Variants in RASEF observed in about 807,000 individuals in gnomAD.
RASEF encodes ras and EF-hand domain-containing protein.
In RASEF, 68 loss-of-function variants were observed where a neutral mutation model predicts 90.1. That is an observed-to-expected ratio of 0.75 (90% CI 0.62 to 0.92). The LOEUF is 0.92. RASEF is among the 40% of genes least tolerant of loss of function. RASEF has a pLI of 0.00. For missense variants in RASEF, 949 were observed against 937.2 expected, an observed-to-expected ratio of 1.01 and a Z score of -0.16; for synonymous variants, 331 against 345.2, an observed-to-expected ratio of 0.96 and a Z score of 0.46.
At position 82,979,724 on chromosome 9, in the gene RASEF, A is replaced by C. The variant is rs1828563914; in HGVS notation, c.*2953T>G. 1 of 152,196 alleles carries C rather than the reference A, an allele frequency of 6.6e-6. No homozygotes were observed. The highest frequency in any genetic ancestry group is 1.5e-5 in the Non-Finnish European group (1 of 68,036). The allele number at this position is 152,196 out of a possible 1,614,324, so 9.4% of individuals were successfully genotyped here. ...GAAGAGAAATAAACAGTATAAACGAAATATGGCCCACACAATGAAAATGTA... is the reference window on the plus strand; with the variant it reads ...GAAGAGAAATAAACAGTATAAACGACATATGGCCCACACAATGAAAATGTA... On this transcript the variant is annotated 3_prime_UTR_variant, in exon 17 of 17. Coordinates refer to ENST00000376447, the MANE Select transcript of RASEF (RefSeq NM_152573.4).
At chr9:83,107,719 C>G in the RASEF span, among the ~76,000 whole-genome samples, 1 of 152,094 alleles carries the variant, frequency 6.6e-6, no homozygotes. Context: ...TATTTAAACT[C>G]ACATGTTTAA....
intron 3 of RASEF, 71 bp downstream of exon 3, chr9:83,022,265 G>C (rs1435436052): frequency 8.9e-7 from 1 of 1,128,552 alleles, no homozygotes; most frequent in South Asian, 1.2e-5. Context: ...ACCCAGAAGA[G>C]TGCCTGGGCC....
the RASEF span, among the ~76,000 whole-genome samples, chr9:83,163,399 A>T: frequency 4.6e-5 from 7 of 152,206 alleles, no homozygotes; most frequent in Admixed American, 4.6e-4. Context: ...CTAGACTCAG[A>T]AATGGCAGGG....
intron 4 of RASEF, 69 bp downstream of exon 4, chr9:83,015,736 G>T: frequency 2.8e-6 from 3 of 1,075,306 alleles, no homozygotes; most frequent in Non-Finnish European, 4.3e-6. Flanking sequence ...AAATGTTTTT[G>T]GTTGTTAATG....
At chr9:83,124,472 T>C in the RASEF span, among the ~76,000 whole-genome samples, 2 of 152,232 alleles carry the variant, frequency 1.3e-5, no homozygotes, top group Non-Finnish European at 2.9e-5. Context: ...GTGAAGGCTA[T>C]AGCTGTTCTA....
the RASEF span, among the ~76,000 whole-genome samples, chr9:83,163,069 T>C: frequency 1.3e-5 from 2 of 152,180 alleles, no homozygotes; most frequent in Non-Finnish European, 2.9e-5. Context: ...ACTAATATTG[T>C]TTTACCAGAG....
the RASEF span, among the ~76,000 whole-genome samples, chr9:83,124,948 A>T: frequency 6.6e-6 from 1 of 152,166 alleles, no homozygotes; most frequent in African/African-American, 2.4e-5. Context: ...GGTGTTATGA[A>T]AAGATTACAA....
At chr9:83,147,871 T>G in the RASEF span, among the ~76,000 whole-genome samples, 4 of 151,982 alleles carry the variant, frequency 2.6e-5, no homozygotes, top group Non-Finnish European at 5.9e-5. Context: ...AGTTTGGTCA[T>G]CCCGCTGCCG....
chr9:83,008,618 C>A (rs1829175176), intron 6 of RASEF, among the ~76,000 whole-genome samples: 1 of 151,950 alleles, frequency 6.6e-6, no homozygotes, highest in South Asian at 2.1e-4. Flanking sequence ...GCAGTGCCAC[C>A]AGCTCTGAGT....
At chr9:83,111,993 A>G in the RASEF span, among the ~76,000 whole-genome samples, 2 of 152,018 alleles carry the variant, frequency 1.3e-5, no homozygotes, top group Non-Finnish European at 2.9e-5. Flanking sequence ...GAATATGAAC[A>G]TGTATTTGAA....
Position 82,980,991 on chromosome 9 carries a change from G to A in RASEF, c.*1686C>T, listed in dbSNP as rs910850209. 6.6e-6 allele frequency: 1 copy of A among 151,992 alleles called. No individual in the cohort carries two copies. The highest frequency in any genetic ancestry group is 1.5e-5 in the Non-Finnish European group (1 of 68,020). The allele number at this position is 151,992 out of a possible 1,614,324, so 9.4% of individuals were successfully genotyped here. A position where few individuals can be genotyped will look rare whatever the true frequency, so the allele number is the denominator to read the frequency against. ...TTATAATCTTTGCCTGTAACTATCC[G>A]GTCAATTCCCATTTTTTCAAAAAAC... On this transcript the variant is annotated 3_prime_UTR_variant, in exon 17 of 17. Coordinates refer to ENST00000376447, the MANE Select transcript of RASEF (RefSeq NM_152573.4).
chr9:83,203,457 G>C, the RASEF span, among the ~76,000 whole-genome samples: 2 of 151,928 alleles, frequency 1.3e-5, no homozygotes, highest in Non-Finnish European at 2.9e-5. Flanking sequence ...TGTATTTTTA[G>C]TAGAGACGGG....
At chr9:83,101,952 G>A in the RASEF span, among the ~76,000 whole-genome samples, 1 of 152,124 alleles carries the variant, frequency 6.6e-6, no homozygotes, top group African/African-American at 2.4e-5. Flanking sequence ...TCTCTGTAAG[G>A]CGCATCACAG....
intron 4 of RASEF, among the ~76,000 whole-genome samples, chr9:83,013,944 A>G (rs1829296450): frequency 6.6e-6 from 1 of 152,202 alleles, no homozygotes; most frequent in Non-Finnish European, 1.5e-5. Context: ...TCAGGGAAAA[A>G]TGGGTACAGT....
the RASEF span, among the ~76,000 whole-genome samples, chr9:83,139,153 T>A: frequency 1.3e-5 from 2 of 152,176 alleles, no homozygotes; most frequent in Non-Finnish European, 2.9e-5. Flanking sequence ...AGTAGGGAGC[T>A]TGTTAGACAA....
At chr9:83,140,093 G>C in the RASEF span, among the ~76,000 whole-genome samples, 2 of 152,274 alleles carry the variant, frequency 1.3e-5, 1 homozygote, top group South Asian at 4.1e-4. Context: ...ACACAGCCAG[G>C]AAGACTTACC....
intron 16 of RASEF, 50 bp from the exon 17 acceptor site, chr9:82,982,832 A>G (rs1262193796): frequency 2.0e-6 from 2 of 997,946 alleles, no homozygotes; most frequent in African/African-American, 1.7e-5. Flanking sequence ...AGAGAGAGAG[A>G]GGATTACTGA....
At chr9:83,198,715 C>T in the RASEF span, among the ~76,000 whole-genome samples, 1 of 152,138 alleles carries the variant, frequency 6.6e-6, no homozygotes, top group Non-Finnish European at 1.5e-5. Flanking sequence ...GACCACTCCA[C>T]AGAGCAGACT....
chr9:83,067,308 T>A (rs1038484134), upstream of RASEF, among the ~76,000 whole-genome samples: 4 of 152,164 alleles, frequency 2.6e-5, no homozygotes, highest in Non-Finnish European at 5.9e-5. Context: ...AGTTTTCTCA[T>A]GAATATATAC....
Sources: allele counts gnomAD v4.1 joint callset (sites outside exome capture counted in the v4.1 genomes callset), GRCh38; gene constraint gnomAD v4.1.1; transcripts MANE v1.5; gene names NCBI Gene and HGNC (gene_info 2026-07-23, HGNC 2026-07-21).